RNF217: variants seen among roughly 807,000 people sequenced by gnomAD.
RNF217 encodes the protein E3 ubiquitin-protein ligase RNF217.
In RNF217, 31 loss-of-function variants were observed where a neutral mutation model predicts 57.8. The observed-to-expected ratio is 0.54, with a 90% confidence interval of 0.40 to 0.72. RNF217 has a LOEUF of 0.72. Among genes scored for constraint, RNF217 ranks in the 30% least tolerant of loss-of-function variants. The pLI is 0.00. For missense variants in RNF217, 696 were observed against 708.3 expected (o/e 0.98, Z 0.20); for synonymous variants, 313 against 294.0 (o/e 1.06, Z -0.66).
chr6:125,068,663 A>G (rs1016970060), intron 3 of RNF217, among the ~76,000 whole-genome samples: 2 of 152,200 alleles, frequency 1.3e-5, no homozygotes, highest in African/African-American at 2.4e-5. Flanking sequence ...ATGTCTGTAT[A>G]CATGTATAAG....
intron 1 of RNF217, among the ~76,000 whole-genome samples, chr6:124,994,770 CT>C (rs1422814463): frequency 6.6e-6 from 1 of 152,126 alleles, no homozygotes; most frequent in Non-Finnish European, 1.5e-5. Context: ...ATGCTTTCAT[CT>C]TTTTTAGGAG....
chr6:124,972,889 A>G (rs1783813004), intron 1 of RNF217, among the ~76,000 whole-genome samples: 1 of 152,184 alleles, frequency 6.6e-6, no homozygotes, highest in Non-Finnish European at 1.5e-5. Flanking sequence ...GTTTCACTGT[A>G]TTTAAATTGT....
At chr6:125,018,403 T>C (rs1224489502) in intron 1 of RNF217, among the ~76,000 whole-genome samples, 1 of 152,228 alleles carries the variant, frequency 6.6e-6, no homozygotes, top group Non-Finnish European at 1.5e-5. Context: ...ATGATCTCAT[T>C]TTATTTAAGG....
chr6:124,995,529 A>G (rs1029859253), intron 1 of RNF217, among the ~76,000 whole-genome samples: 1 of 152,146 alleles, frequency 6.6e-6, no homozygotes, highest in African/African-American at 2.4e-5. Flanking sequence ...TAACATTTTG[A>G]GATTCTTTTA....
rs1562506125 is a variant in RNF217 at position 125,091,411 on chromosome 6, C to T, written c.*8474C>T. 1 of 151,952 alleles carries T rather than the reference C, an allele frequency of 6.6e-6. No homozygotes were observed. The highest frequency in any genetic ancestry group is 1.5e-5 in the Non-Finnish European group (1 of 67,926). 9.4% of individuals were successfully genotyped at this position (151,952 alleles called of 1,614,324 possible). On this transcript the variant is annotated 3_prime_UTR_variant, in exon 6 of 6. Coordinates refer to ENST00000521654, the MANE Select transcript of RNF217 (RefSeq NM_001286398.3). ...TTCTTTGGTCCCTCTATTTAAAGTG[C>T]TAAGGAGAAAGCATATCTTTAGGGA... is the stretch of plus-strand genomic sequence containing the variant.
At position 125,085,492 on chromosome 6, in the gene RNF217, A is replaced by G. The variant is rs1429681726; in HGVS notation, c.*2555A>G. ...AAAAAGAGAGAAGAAAATAAAAAGT[A>G]TTATTTATATGTCAGTGCCAACTTT... On this transcript the variant is annotated 3_prime_UTR_variant, in exon 6 of 6. Transcript: ENST00000521654. The G allele has an allele frequency of 6.6e-6, 1 of 151,920 alleles. No homozygotes were observed. Among genetic ancestry groups the G allele is most frequent in the Non-Finnish European group, 1.5e-5 (1 of 67,848 alleles). 9.4% of individuals were successfully genotyped at this position (151,920 alleles called of 1,614,324 possible).
At chr6:125,030,162 G>A (rs1289103415) in intron 1 of RNF217, among the ~76,000 whole-genome samples, 1 of 152,088 alleles carries the variant, frequency 6.6e-6, no homozygotes, top group Non-Finnish European at 1.5e-5. Flanking sequence ...AGAAAGACCA[G>A]CCTCCATGAT....
At chr6:124,997,107 C>T (rs993609314) in intron 1 of RNF217, among the ~76,000 whole-genome samples, 7 of 151,988 alleles carry the variant, frequency 4.6e-5, no homozygotes, top group African/African-American at 7.3e-5. Flanking sequence ...TGTTTTGGTC[C>T]GGTGTGTATT....
At chr6:124,986,686 G>A (rs1025677253) in intron 1 of RNF217, among the ~76,000 whole-genome samples, 1 of 152,088 alleles carries the variant, frequency 6.6e-6, no homozygotes, top group African/African-American at 2.4e-5. Context: ...TCTGTAAAAG[G>A]CCAGACAGTA....
intron 3 of RNF217, among the ~76,000 whole-genome samples, chr6:125,076,380 A>G (rs1050902317): frequency 1.3e-5 from 2 of 152,182 alleles, no homozygotes; most frequent in Admixed American, 6.6e-5. Context: ...CTGGAAAGAT[A>G]AATGTGTCTT....
chr6:125,024,711 C>A (rs1429527357), intron 1 of RNF217, among the ~76,000 whole-genome samples: 2 of 133,464 alleles, frequency 1.5e-5, no homozygotes, highest in African/African-American at 3.0e-5. Context: ...CAGGGTAAGA[C>A]TCTGTCTCAA....
chr6:124,996,219 T>C (rs1044540244), intron 1 of RNF217, among the ~76,000 whole-genome samples: 1 of 152,180 alleles, frequency 6.6e-6, no homozygotes, highest in Non-Finnish European at 1.5e-5. Flanking sequence ...CTGCAGGGTA[T>C]GAATAAACAT....
chr6:125,037,031 A>G (rs1786658134), intron 1 of RNF217, among the ~76,000 whole-genome samples: 1 of 151,278 alleles, frequency 6.6e-6, no homozygotes, highest in Non-Finnish European at 1.5e-5. Context: ...GCGATTCTTC[A>G]AGACTGATTT....
intron 1 of RNF217, among the ~76,000 whole-genome samples, chr6:125,006,615 C>G (rs1440548365): frequency 6.6e-6 from 1 of 152,180 alleles, no homozygotes; most frequent in Non-Finnish European, 1.5e-5. Context: ...TATCAGTGGA[C>G]ATTAAAAATT....
chr6:125,024,719 CAAAAAAAAAA>C (rs35985972), intron 1 of RNF217, among the ~76,000 whole-genome samples: 1 of 83,594 alleles, frequency 1.2e-5, no homozygotes, highest in African/African-American at 4.1e-5. Flanking sequence ...GACTCTGTCT[CAAAAAAAAAA>C]AAAAAAAAAA....
At chr6:125,073,815 A>G (rs1266999317) in intron 3 of RNF217, among the ~76,000 whole-genome samples, 5 of 152,212 alleles carry the variant, frequency 3.3e-5, no homozygotes, top group African/African-American at 7.2e-5. Context: ...GTAAAGGGGA[A>G]TAAGTAGATG....
At chr6:124,970,131 A>G (rs1462690405) in intron 1 of RNF217, among the ~76,000 whole-genome samples, 1 of 152,164 alleles carries the variant, frequency 6.6e-6, no homozygotes, top group South Asian at 2.1e-4. Context: ...CCCATCAGGT[A>G]TCTTCATTTC....
intron 1 of RNF217, among the ~76,000 whole-genome samples, chr6:124,988,718 T>C (rs1784444986): frequency 6.6e-6 from 1 of 152,232 alleles, no homozygotes; most frequent in African/African-American, 2.4e-5. Context: ...GTTTAATCTT[T>C]AAACTTCTCT....
intron 1 of RNF217, among the ~76,000 whole-genome samples, chr6:124,981,026 C>T (rs946480103): frequency 6.6e-6 from 1 of 152,096 alleles, no homozygotes; most frequent in East Asian, 1.9e-4. Context: ...CTCTGCATAT[C>T]TGGATAAATG....
Sources: gnomAD v4.1 joint callset for allele counts (sites outside exome capture counted in the v4.1 genomes callset) on GRCh38, gnomAD v4.1.1 for gene constraint, MANE v1.5 for transcripts, NCBI Gene and HGNC (gene_info 2026-07-23, HGNC 2026-07-21) for gene names.